ATP8A2: variants seen among roughly 807,000 people sequenced by gnomAD.
ATP8A2 encodes phospholipid-transporting ATPase IB.
In ATP8A2, 100 loss-of-function variants were observed where a neutral mutation model predicts 165.6. The ratio of observed to expected loss-of-function variants is 0.60; its 90% CI spans 0.51 to 0.71. ATP8A2 has a LOEUF of 0.71. ATP8A2 is among the 30% of genes least tolerant of loss of function. The pLI is 0.00. For missense variants in ATP8A2, 1,227 were observed against 1,479.5 expected (o/e 0.83, Z 2.80); for synonymous variants, 543 against 548.8 (o/e 0.99, Z 0.15).
At chr13:25,409,733 G>T (rs2033911054) in intron 1 of ATP8A2, among the ~76,000 whole-genome samples, 1 of 152,090 alleles carries the variant, frequency 6.6e-6, no homozygotes, top group Admixed American at 6.5e-5. Flanking sequence ...AGAGGTAATA[G>T]AATTTTTGTA....
chr13:25,506,326 T>C (rs1252765684), intron 2 of ATP8A2, among the ~76,000 whole-genome samples: 1 of 152,166 alleles, frequency 6.6e-6, no homozygotes, highest in Non-Finnish European at 1.5e-5. Flanking sequence ...ACACAAACCA[T>C]TAATATTTCT....
At chr13:25,981,853 A>G (rs1399048890) in intron 35 of ATP8A2, among the ~76,000 whole-genome samples, 1 of 152,168 alleles carries the variant, frequency 6.6e-6, no homozygotes, top group Non-Finnish European at 1.5e-5. Flanking sequence ...ACATTTAATT[A>G]TTTAATATTA....
At chr13:25,828,090 A>G (rs993748659) in intron 27 of ATP8A2, 28 bp from the exon 28 acceptor site, 2 of 1,593,550 alleles carry the variant, frequency 1.3e-6, no homozygotes, top group Non-Finnish European at 1.7e-6. Flanking sequence ...TATTGATATA[A>G]AACTTCATGA....
chr13:25,676,004 A>G (rs113606904), intron 24 of ATP8A2, among the ~76,000 whole-genome samples: 2,992 of 152,312 alleles, frequency 0.02, 93 homozygotes, highest in African/African-American at 0.068. Flanking sequence ...TCCTTATTCT[A>G]TACATGTCAA....
At chr13:25,531,186 T>TTA (rs58770364) in intron 4 of ATP8A2, among the ~76,000 whole-genome samples, 1 of 138,128 alleles carries the variant, frequency 7.2e-6, no homozygotes, top group Non-Finnish European at 1.5e-5. Context: ...TATATATATG[T>TTA]TATATATGTT....
intron 35 of ATP8A2, among the ~76,000 whole-genome samples, chr13:25,990,501 G>A (rs917734626): frequency 2.6e-5 from 4 of 152,140 alleles, no homozygotes; most frequent in Non-Finnish European, 2.9e-5. Context: ...CCAAGGGAAA[G>A]CATATGCAAA....
chr13:25,574,372 A>C (rs915293941), intron 18 of ATP8A2, among the ~76,000 whole-genome samples: 2 of 152,202 alleles, frequency 1.3e-5, no homozygotes, highest in Non-Finnish European at 2.9e-5. Context: ...ATCTTTATGA[A>C]TCTCATTTCC....
At chr13:25,965,287 C>T (rs1237206012) in intron 34 of ATP8A2, among the ~76,000 whole-genome samples, 1 of 152,196 alleles carries the variant, frequency 6.6e-6, no homozygotes, top group Non-Finnish European at 1.5e-5. Context: ...CCCAGTTTCT[C>T]GCTTCCATTT....
chr13:25,696,599 T>C (rs1341861176), intron 24 of ATP8A2, among the ~76,000 whole-genome samples: 2 of 152,182 alleles, frequency 1.3e-5, no homozygotes, highest in Non-Finnish European at 2.9e-5. Flanking sequence ...TTTTTAAACC[T>C]CATAAACCAA....
intron 24 of ATP8A2, among the ~76,000 whole-genome samples, chr13:25,610,974 C>T (rs193121643): frequency 6.9e-6 from 1 of 145,922 alleles, no homozygotes; most frequent in East Asian, 2.1e-4. Flanking sequence ...AGAAGAACTA[C>T]TGATTTCTGT....
At chr13:25,996,703 A>G (rs1327759578) in intron 35 of ATP8A2, among the ~76,000 whole-genome samples, 1 of 151,488 alleles carries the variant, frequency 6.6e-6, no homozygotes, top group Non-Finnish European at 1.5e-5. Context: ...TTTTTTTTTG[A>G]GACGGAGTCT....
At chr13:25,852,602 T>C (rs1351652973) in intron 30 of ATP8A2, among the ~76,000 whole-genome samples, 1 of 152,252 alleles carries the variant, frequency 6.6e-6, no homozygotes, top group East Asian at 1.9e-4. Context: ...AATTGTTTTT[T>C]TCTTTGAAAT....
intron 1 of ATP8A2, among the ~76,000 whole-genome samples, chr13:25,441,260 C>A (rs2034924573): frequency 6.6e-6 from 1 of 152,156 alleles, no homozygotes; most frequent in Non-Finnish European, 1.5e-5. Context: ...TTCTGAATTT[C>A]TGGACAACTT....
At chr13:25,504,369 T>C (rs2137720116) in intron 2 of ATP8A2, among the ~76,000 whole-genome samples, 1 of 152,130 alleles carries the variant, frequency 6.6e-6, no homozygotes, top group East Asian at 1.9e-4. Flanking sequence ...TTTTCAGAAG[T>C]TGTGGTTAGA....
intron 21 of ATP8A2, among the ~76,000 whole-genome samples, 167 bp downstream of exon 21, chr13:25,579,066 C>G (rs993995956): frequency 6.6e-6 from 1 of 152,170 alleles, no homozygotes. Flanking sequence ...CTGTAGATGC[C>G]TCTGTCACTC....
At chr13:26,010,493 G>A (rs1466160770) in intron 35 of ATP8A2, among the ~76,000 whole-genome samples, 1 of 152,252 alleles carries the variant, frequency 6.6e-6, no homozygotes, top group Non-Finnish European at 1.5e-5. Context: ...GGCAGGGTGA[G>A]GGGCCCCCTC....
chr13:25,769,296 C>A, intron 26 of ATP8A2, 67 bp downstream of exon 26: 1 of 1,496,478 alleles, frequency 6.7e-7, no homozygotes, highest in South Asian at 1.2e-5. Context: ...GAGGACCTGG[C>A]GTTTAACCTT....
At chr13:25,540,044 T>A (rs762909027) in intron 7 of ATP8A2, among the ~76,000 whole-genome samples, 5 of 152,190 alleles carry the variant, frequency 3.3e-5, no homozygotes, top group Non-Finnish European at 7.3e-5. Context: ...TTCTCTTTCA[T>A]CTTCAGTTCA....
Position 25,772,164 on chromosome 13 carries a change from A to C in ATP8A2, c.2569-2685A>C, listed in dbSNP as rs185734853. 1.2e-3 allele frequency among the ~76,000 whole-genome samples: 186 copies of C among 152,224 alleles called. 2 individuals carry two copies. The highest frequency in any genetic ancestry group is 4.3e-3 in the African/African-American group (177 of 41,548). ...CTGAGCAACCTTGCTGCCGTCGCTG[A>C]GTCATGGTGCTCCCCTAGCCCTTGG... On this transcript the variant is annotated intron_variant, in intron 26 of 36. Transcript: ENST00000381655.
Sources: allele counts gnomAD v4.1 joint callset (sites outside exome capture counted in the v4.1 genomes callset), GRCh38; gene constraint gnomAD v4.1.1; transcripts MANE v1.5; gene names NCBI Gene and HGNC (gene_info 2026-07-23, HGNC 2026-07-21).